Variants in IFNAR1 observed in about 807,000 individuals in gnomAD.
IFNAR1 encodes interferon alpha/beta receptor 1.
In IFNAR1, 47 loss-of-function variants were observed where a neutral mutation model predicts 62.1. The observed-to-expected ratio is 0.76, with a 90% CI of 0.60 to 0.97. The LOEUF is 0.97. Ranked by LOEUF, IFNAR1 falls within the 50% of genes least tolerant of loss-of-function variation. The probability of loss-of-function intolerance (pLI) is 0.00; values close to 1 mark genes in which losing one functional copy is unlikely to be tolerated. For missense variants in IFNAR1, 638 were observed against 654.5 expected, an observed-to-expected ratio of 0.97 and a Z score of 0.27; for synonymous variants, 219 against 226.9, an observed-to-expected ratio of 0.97 and a Z score of 0.31.
At chr21:33,352,203 C>T (rs1035538349) in intron 8 of IFNAR1, among the ~76,000 whole-genome samples, 1 of 152,094 alleles carries the variant, frequency 6.6e-6, no homozygotes, top group African/African-American at 2.4e-5. Context: ...GCAATTACCC[C>T]AGACTTGGCA....
chr21:33,333,417 A>G (rs573411001), intron 1 of IFNAR1, among the ~76,000 whole-genome samples: 1 of 152,318 alleles, frequency 6.6e-6, no homozygotes, highest in East Asian at 1.9e-4. Flanking sequence ...GATAGAGCAG[A>G]TACACAAAGG....
intron 5 of IFNAR1, among the ~76,000 whole-genome samples, chr21:33,344,357 T>C (rs368820114): frequency 1.4e-3 from 218 of 152,272 alleles, no homozygotes; most frequent in African/African-American, 5.2e-3. Context: ...AGTATCCTGA[T>C]ACATTTAGTA....
upstream of IFNAR1, chr21:33,324,891 C>CA (rs1410642021): frequency 3.9e-5 from 11 of 281,754 alleles, no homozygotes; most frequent in Non-Finnish European, 6.1e-5. Flanking sequence ...CGCGGAGGGG[C>CA]GGTGTGTGTG....
intron 3 of IFNAR1, among the ~76,000 whole-genome samples, chr21:33,342,670 CT>C (rs1252165761): frequency 5.7e-5 from 8 of 140,952 alleles, no homozygotes; most frequent in African/African-American, 1.6e-4. Flanking sequence ...CGGTGAAACC[CT>C]GTCTCTACTA....
Position 33,353,674 on chromosome 21 carries a change from G to A in IFNAR1, c.1331G>A (p.Cys444Tyr), listed in dbSNP as rs2083419544. Residue 444 changes from cysteine to tyrosine, a missense_variant, in exon 10 of 11, where the codon TGT (cysteine) becomes TAT (tyrosine). By Grantham distance (194) the Cys-to-Tyr change is radical. Coordinates refer to ENST00000270139, the MANE Select transcript of IFNAR1 (RefSeq NM_000629.3). ...AAAATTTGGCTTATAGTTGGAATTTGTATTGCATTATTTGCTCTCCCGTTT... is the reference window on the plus strand; with the variant it reads ...AAAATTTGGCTTATAGTTGGAATTTATATTGCATTATTTGCTCTCCCGTTT... ...TSKIWLIVGI[C>Y]IALFALPFVI... 2 of 1,572,286 alleles carry A rather than the reference G, an allele frequency of 1.3e-6. No homozygotes were observed. The highest frequency in any genetic ancestry group is 1.7e-6 in the Non-Finnish European group (2 of 1,162,132).
Position 33,343,633 on chromosome 21 carries a change from G to T in IFNAR1, c.630G>T (p.Trp210Cys), listed in dbSNP as rs1601860173. The T allele has an allele frequency of 6.2e-7, 1 of 1,609,000 alleles. No homozygotes were observed. The highest frequency in any genetic ancestry group is 1.3e-5 in the African/African-American group (1 of 74,808). ...LKVKAALLTS[W>C]KIGVYSPVHC... ...TTAAAGCAGCACTACTTACGTCATG[G>T]AAAATTGGTGTCTATAGTCCAGTAC... is the stretch of plus-strand genomic sequence containing the variant. Residue 210 changes from tryptophan to cysteine, a missense_variant, in exon 5 of 11, where the codon TGG becomes TGT. Physicochemically the swap from Trp to Cys is radical, Grantham distance 215 (BLOSUM62 -2). Transcript: ENST00000270139.
At chr21:33,324,813 G>T (rs1464100049), upstream of IFNAR1, 1 of 560,676 alleles carries the variant, frequency 1.8e-6, no homozygotes. Context: ...ATTAGGATGG[G>T]GCAATGGGAG....
intron 3 of IFNAR1, among the ~76,000 whole-genome samples, chr21:33,341,689 T>C (rs1038404000): frequency 2.0e-5 from 3 of 149,236 alleles, no homozygotes; most frequent in South Asian, 2.1e-4. Flanking sequence ...ATTTCTTTCT[T>C]TTTTTTTTTG....
At chr21:33,340,605 G>A (rs1317141795) in intron 2 of IFNAR1, among the ~76,000 whole-genome samples, 1 of 151,422 alleles carries the variant, frequency 6.6e-6, no homozygotes, top group Non-Finnish European at 1.5e-5. Flanking sequence ...AGGAAGATAA[G>A]ATCCAGAAAC....
At position 33,335,619 on chromosome 21, in the gene IFNAR1, A is replaced by G. The variant is rs1206797104; in HGVS notation, c.172A>G (p.Asn58Asp). The G allele has an allele frequency of 6.3e-7, 1 of 1,592,948 alleles. No individual in the cohort carries two copies. The highest frequency in any genetic ancestry group is 1.3e-5 in the African/African-American group (1 of 74,304). ...RWNRSDESVGNVTFSFDYQKT... is the reference protein window; with the variant it reads ...RWNRSDESVGDVTFSFDYQKT... ...GAACAGGAGCGATGAGTCTGTCGGG[A>G]ATGTGACTTTTTCATTCGATTATCA... Residue 58 changes from asparagine (N) to aspartate (D), a missense_variant, in exon 2 of 11, where the codon AAT becomes GAT. By Grantham distance (23) the Asn-to-Asp change is conservative. Transcript: ENST00000270139.
Position 33,353,719 on chromosome 21 carries a change from TC to T in IFNAR1, c.1377del (p.Phe460SerfsTer2). On this transcript the variant is annotated frameshift_variant, in exon 10 of 11. Coordinates refer to ENST00000270139, the MANE Select transcript of IFNAR1 (RefSeq NM_000629.3). LOFTEE classifies it high-confidence loss of function. Reference sequence around the variant, plus strand: ...CCGTTTGTCATTTATGCTGCGAAAGTCTTCTTGAGATGCATCAATTATGTCT... The same window carrying T: ...CCGTTTGTCATTTATGCTGCGAAAGTTTCTTGAGATGCATCAATTATGTCT... ...ALPFVIYAAK[V>X]FLRCINYVFF... The T allele has an allele frequency of 6.3e-7, 1 of 1,594,200 alleles. No individual in the cohort carries two copies. Among genetic ancestry groups the T allele is most frequent in the Non-Finnish European group, 8.5e-7 (1 of 1,171,652 alleles).
chr21:33,340,069 C>T (rs1021444351), intron 2 of IFNAR1, among the ~76,000 whole-genome samples: 3 of 151,982 alleles, frequency 2.0e-5, no homozygotes, highest in African/African-American at 7.3e-5. Context: ...TTCATGTTTG[C>T]CCCTTTTTTG....
At chr21:33,354,109 G>C (rs1314606740) in intron 10 of IFNAR1, among the ~76,000 whole-genome samples, 1 of 152,196 alleles carries the variant, frequency 6.6e-6, no homozygotes, top group Admixed American at 6.5e-5. Context: ...TTGGGAGGCT[G>C]AGGCGGGTGG....
intron 1 of IFNAR1, among the ~76,000 whole-genome samples, chr21:33,333,627 T>C (rs4817560): frequency 0.38 from 37,392 of 99,026 alleles, 4,155 homozygotes; most frequent in Non-Finnish European, 0.4. Flanking sequence ...TTTTTTTTTC[T>C]TTTTTTTTTT....
At chr21:33,336,948 G>A (rs954008368) in intron 2 of IFNAR1, among the ~76,000 whole-genome samples, 7 of 151,798 alleles carry the variant, frequency 4.6e-5, no homozygotes, top group East Asian at 1.9e-4. Context: ...ATGGGGTTTC[G>A]CCATGTTGGC....
chr21:33,345,172 G>A, intron 5 of IFNAR1, 74 bp from the exon 6 acceptor site: 1 of 735,042 alleles, frequency 1.4e-6, no homozygotes, highest in Non-Finnish European at 2.4e-6. Flanking sequence ...TAAAATGCGA[G>A]CCTTTATCTT....
In IFNAR1 at chr21:33,325,081, C is replaced by T. The variant is rs1487617470; in HGVS notation, c.26C>T (p.Thr9Met). ...ATGATGGTCGTCCTCCTGGGCGCGA[C>T]GACCCTAGTGCTCGTCGCCGTGGCG... MMVVLLGA[T>M]TLVLVAVAPW... The change falls in exon 1 of 11, where the codon ACG (threonine) becomes ATG (methionine). Residue 9 changes from threonine (T) to methionine (M), a missense_variant. Thr to Met is a moderately conservative substitution (Grantham distance 81). Coordinates refer to ENST00000270139, the MANE Select transcript of IFNAR1 (RefSeq NM_000629.3). 7 of 1,609,876 alleles carry T rather than the reference C, an allele frequency of 4.3e-6. No individual in the cohort carries two copies. The highest frequency in any genetic ancestry group is 3.4e-4 in the Middle Eastern group (2 of 5,826).
rs2083476816 is a variant in IFNAR1, at chr21:33,359,146, A to T, written c.*3597A>T. 1 of 152,170 alleles carries T rather than the reference A, an allele frequency of 6.6e-6. No homozygotes were observed. The highest frequency in any genetic ancestry group is 2.4e-5 in the African/African-American group (1 of 41,432). 9.4% of individuals were successfully genotyped at this position (152,170 alleles called of 1,614,324 possible). Reference sequence around the variant, plus strand: ...GAATGAAATCTAAACTGTGAACCTGAGGGTGTTTGTGGCAGTGTTTGTTTT... The same window carrying T: ...GAATGAAATCTAAACTGTGAACCTGTGGGTGTTTGTGGCAGTGTTTGTTTT... On this transcript the variant is annotated 3_prime_UTR_variant, in exon 11 of 11. Transcript: ENST00000270139.
chr21:33,334,434 T>TA (rs913841662), intron 1 of IFNAR1: 57 of 292,284 alleles, frequency 2.0e-4, no homozygotes, highest in Middle Eastern at 1.2e-3. Flanking sequence ...TTCAAAGTGC[T>TA]AAAAAAAACA....
Sources: gnomAD v4.1 joint callset for allele counts (sites outside exome capture counted in the v4.1 genomes callset) on GRCh38, gnomAD v4.1.1 for gene constraint, MANE v1.5 for transcripts, NCBI Gene and HGNC (gene_info 2026-07-23, HGNC 2026-07-21) for gene names.